CACNA2D3: variants seen among roughly 807,000 people sequenced by gnomAD.
The protein encoded by CACNA2D3 is voltage-dependent calcium channel subunit alpha-2/delta-3.
In CACNA2D3, 60 loss-of-function variants were observed where a neutral mutation model predicts 160.6. The observed-to-expected ratio is 0.37, with a 90% CI of 0.30 to 0.46. CACNA2D3 has a LOEUF of 0.46. Ranked by LOEUF, CACNA2D3 falls within the 20% of genes least tolerant of loss-of-function variation. The pLI, the probability that CACNA2D3 is intolerant of heterozygous loss-of-function variation, is 1.00. For missense variants in CACNA2D3, 1,205 were observed against 1,365.0 expected, an observed-to-expected ratio of 0.88 and a Z score of 1.85; for synonymous variants, 558 against 492.9, an observed-to-expected ratio of 1.13 and a Z score of -1.75.
chr3:54,351,712 C>A (rs549997350), intron 3 of CACNA2D3, among the ~76,000 whole-genome samples: 1 of 152,220 alleles, frequency 6.6e-6, no homozygotes, highest in Non-Finnish European at 1.5e-5. Context: ...TCTGCCCTAG[C>A]CTCTCTGCCT....
intron 11 of CACNA2D3, among the ~76,000 whole-genome samples, chr3:54,700,316 C>G (rs1700745347): frequency 6.6e-6 from 1 of 152,182 alleles, no homozygotes; most frequent in African/African-American, 2.4e-5. Flanking sequence ...GCTCTCCTGT[C>G]TATTTTCCTC....
rs1702469491 is a variant in CACNA2D3 at position 54,570,053 on chromosome 3, C to T, written c.837C>T (p.Val279=). 1 of 1,614,014 alleles carries T rather than the reference C, an allele frequency of 6.2e-7. No homozygotes were observed. The highest frequency in any genetic ancestry group is 2.2e-5 in the East Asian group (1 of 44,892). The change falls in exon 8 of 38, where the codon GTC becomes GTT. Residue 279 remains valine, a synonymous_variant. Transcript: ENST00000474759. ...GLRLTIAKQT[V]SSILDTLGDD... Reference sequence around the variant, plus strand: ...GTCTGACTATCGCGAAGCAAACAGTCTCATCCATTTTGGATACACTTGGGG... The same window carrying T: ...GTCTGACTATCGCGAAGCAAACAGTTTCATCCATTTTGGATACACTTGGGG...
intron 13 of CACNA2D3, among the ~76,000 whole-genome samples, chr3:54,803,404 G>T (rs917890109): frequency 1.3e-5 from 2 of 152,212 alleles, no homozygotes; most frequent in African/African-American, 4.8e-5. Flanking sequence ...CAAGAACTAC[G>T]TGAAGAATGC....
chr3:54,786,866 C>A (rs951158515), intron 13 of CACNA2D3, among the ~76,000 whole-genome samples: 2 of 152,050 alleles, frequency 1.3e-5, no homozygotes, highest in Non-Finnish European at 2.9e-5. Context: ...GCTCACATGC[C>A]CAATACTCCT....
intron 3 of CACNA2D3, among the ~76,000 whole-genome samples, chr3:54,321,425 G>A (rs1002529600): frequency 6.6e-6 from 1 of 152,150 alleles, no homozygotes; most frequent in African/African-American, 2.4e-5. Context: ...GGGGCTACAG[G>A]TATGTACCAC....
intron 9 of CACNA2D3, among the ~76,000 whole-genome samples, chr3:54,613,746 C>T (rs1398504341): frequency 2.6e-5 from 4 of 152,138 alleles, no homozygotes; most frequent in Admixed American, 2.6e-4. Context: ...TTCCTTTTTC[C>T]TTTCTTTGCT....
chr3:54,995,553 A>T (rs1299254017), intron 31 of CACNA2D3, among the ~76,000 whole-genome samples: 1 of 152,208 alleles, frequency 6.6e-6, no homozygotes, highest in Non-Finnish European at 1.5e-5. Context: ...TCATATCTGC[A>T]ATTCAGGCTT....
intron 13 of CACNA2D3, among the ~76,000 whole-genome samples, chr3:54,809,308 TTTC>T (rs1214141398): frequency 2.2e-5 from 2 of 92,724 alleles, no homozygotes; most frequent in African/African-American, 1.6e-4. Flanking sequence ...TCCTTCCTTC[TTTC>T]TTTTTTTTTT....
At chr3:54,169,546 T>C (rs1396607488) in intron 2 of CACNA2D3, among the ~76,000 whole-genome samples, 2 of 151,984 alleles carry the variant, frequency 1.3e-5, no homozygotes, top group Non-Finnish European at 2.9e-5. Flanking sequence ...CATGGTTTAG[T>C]AGGAAAAACA....
rs185188693 is a variant in CACNA2D3, at chr3:54,889,876, G to T, written c.2151-1479G>T. ...ATGAAACTCAAAATCTTGAGCAAAG[G>T]TTGCTGATTCATTCCTAACACATAC... On this transcript the variant is annotated intron_variant, in intron 24 of 37. Transcript: ENST00000474759. Among the ~76,000 whole-genome samples, 252 of 152,250 alleles carry T rather than the reference G, an allele frequency of 1.7e-3. 1 individual carries two copies. Among genetic ancestry groups the T allele is most frequent in the Middle Eastern group, 6.8e-3 (2 of 294 alleles).
At chr3:54,224,911 C>G (rs11924650) in intron 2 of CACNA2D3, among the ~76,000 whole-genome samples, 1 of 147,998 alleles carries the variant, frequency 6.8e-6, no homozygotes, top group Non-Finnish European at 1.5e-5. Flanking sequence ...CTTAGATTCC[C>G]GAAGCTTCCT....
rs1427744468 is a variant in CACNA2D3, at chr3:54,670,774, C to G, written c.1167+28533C>G. On this transcript the variant is annotated intron_variant, in intron 11 of 37. Coordinates refer to ENST00000474759, the MANE Select transcript of CACNA2D3 (RefSeq NM_018398.3). ...TGCAAATAGCACAAGCAGACACACA[C>G]CCTCAGCCTGGGGTGTGGACCTGCT... 2.6e-5 allele frequency among the ~76,000 whole-genome samples: 4 copies of G among 152,142 alleles called. No homozygotes were observed. The East Asian group carries it at 7.7e-4, about 29-fold the overall frequency.
intron 2 of CACNA2D3, among the ~76,000 whole-genome samples, chr3:54,150,477 T>C (rs1200176746): frequency 6.6e-6 from 1 of 152,222 alleles, no homozygotes; most frequent in Non-Finnish European, 1.5e-5. Flanking sequence ...GGACACCTCA[T>C]TCCTGTCTTG....
chr3:54,939,126 A>G (rs767851254), intron 27 of CACNA2D3, among the ~76,000 whole-genome samples: 3 of 152,212 alleles, frequency 2.0e-5, no homozygotes, highest in Non-Finnish European at 4.4e-5. Flanking sequence ...TGTTGGACAC[A>G]GTGCATCCTT....
chr3:54,971,489 G>T (rs1024484240), intron 29 of CACNA2D3, among the ~76,000 whole-genome samples: 4 of 152,182 alleles, frequency 2.6e-5, no homozygotes, highest in Non-Finnish European at 5.9e-5. Context: ...TGTACAGATG[G>T]TTGGACGGGT....
At chr3:54,877,766 C>T (rs1328627164) in intron 18 of CACNA2D3, among the ~76,000 whole-genome samples, 2 of 151,982 alleles carry the variant, frequency 1.3e-5, no homozygotes, top group Non-Finnish European at 2.9e-5. Flanking sequence ...GGAGACACAG[C>T]GAGGCTTACC....
At chr3:54,646,356 C>T (rs1699650855) in intron 11 of CACNA2D3, among the ~76,000 whole-genome samples, 1 of 151,650 alleles carries the variant, frequency 6.6e-6, no homozygotes, top group Admixed American at 6.6e-5. Flanking sequence ...CATTCTGTTA[C>T]CCAGGTATTA....
At chr3:54,982,485 T>C (rs964839997) in intron 29 of CACNA2D3, among the ~76,000 whole-genome samples, 1 of 151,998 alleles carries the variant, frequency 6.6e-6, no homozygotes, top group Admixed American at 6.6e-5. Flanking sequence ...TGATTTTCCT[T>C]TGGGTTGGGG....
chr3:54,895,388 G>A (rs974544195), intron 25 of CACNA2D3, among the ~76,000 whole-genome samples: 8 of 152,256 alleles, frequency 5.3e-5, no homozygotes, highest in Non-Finnish European at 1.0e-4. Flanking sequence ...CAAGTTACAG[G>A]GAGGTAGATT....
Sources: gnomAD v4.1 joint callset for allele counts (sites outside exome capture counted in the v4.1 genomes callset) on GRCh38, gnomAD v4.1.1 for gene constraint, MANE v1.5 for transcripts, NCBI Gene and HGNC (gene_info 2026-07-23, HGNC 2026-07-21) for gene names.